The following GRID1 variants were observed in gnomAD, a reference collection of about 807,000 sequenced individuals.
GRID1 encodes glutamate ionotropic receptor delta type subunit 1, also known as glutamate receptor ionotropic, delta-1.
In GRID1, 28 loss-of-function variants were observed where a neutral mutation model predicts 98.0. The ratio of observed to expected loss-of-function variants is 0.29; its 90% CI spans 0.21 to 0.39. The LOEUF (loss-of-function observed/expected upper bound fraction) is 0.39. Ranked by LOEUF, GRID1 falls within the 10% of genes least tolerant of loss-of-function variation. The pLI is 1.00. For synonymous variants in GRID1, 553 were observed against 538.5 expected, an observed-to-expected ratio of 1.03 and a Z score of -0.37; for missense variants, 1,111 against 1,340.5, an observed-to-expected ratio of 0.83 and a Z score of 2.67.
In GRID1 at chr10:85,610,620, G is replaced by A. The variant is rs77715231; in HGVS notation, c.2601+2787C>T. On this transcript the variant is annotated intron_variant, in intron 15 of 15. Transcript: ENST00000327946. The stretch of plus-strand genomic sequence containing the variant: ...TGCCCTGGCTGGGCTGGATGTCCTC[G>A]GTGCTTTTGTGATACCTGCTGATCA... Among the ~76,000 whole-genome samples the A allele has an allele frequency of 9.4e-4, 143 of 152,272 alleles. No homozygotes were observed. In the East Asian group the frequency reaches 0.026, roughly 28 times the overall value.
At chr10:85,722,914 C>T (rs1414081569) in intron 12 of GRID1, 89 bp downstream of exon 12, 1 of 1,139,600 alleles carries the variant, frequency 8.8e-7, no homozygotes, top group East Asian at 2.8e-5. Context: ...AGGGCTCTCT[C>T]CATCATACCA....
At chr10:85,644,226 G>A (rs1843158962) in intron 13 of GRID1, 1 of 152,154 alleles carries the variant, frequency 6.6e-6, no homozygotes, top group Non-Finnish European at 1.5e-5. Context: ...TTTGCTTCAG[G>A]ATACCCATAC....
intron 8 of GRID1, among the ~76,000 whole-genome samples, chr10:85,746,257 A>G (rs1307418466): frequency 6.6e-6 from 1 of 152,154 alleles, no homozygotes; most frequent in Non-Finnish European, 1.5e-5. Flanking sequence ...AATGGCCTAA[A>G]TGGTACGAGT....
intron 4 of GRID1, among the ~76,000 whole-genome samples, chr10:85,990,854 A>C (rs1842671185): frequency 6.6e-6 from 1 of 151,764 alleles, no homozygotes; most frequent in African/African-American, 2.4e-5. Flanking sequence ...ATAGAATAAA[A>C]ATATAAAGAC....
At chr10:85,747,101 C>G (rs1412541175) in intron 8 of GRID1, among the ~76,000 whole-genome samples, 1 of 152,044 alleles carries the variant, frequency 6.6e-6, no homozygotes, top group Non-Finnish European at 1.5e-5. Context: ...TTTTTATCCT[C>G]AATTTTGCTG....
At position 85,693,563 on chromosome 10, in the gene GRID1, C is replaced by T. The variant is rs371519637; in HGVS notation, c.1997+29440G>A. On this transcript the variant is annotated intron_variant, in intron 12 of 15. Coordinates refer to ENST00000327946, the MANE Select transcript of GRID1 (RefSeq NM_017551.3). ...ACAAGGCTATAGTAAAAAAAAACAG[C>T]AGGGTACTGGTATAAAAATAAATAC... 3.3e-5 allele frequency among the ~76,000 whole-genome samples: 5 copies of T among 151,828 alleles called. No homozygotes were observed. In the East Asian group the frequency reaches 5.8e-4, roughly 18 times the overall value.
At chr10:86,133,046 C>T (rs1844862270) in intron 4 of GRID1, among the ~76,000 whole-genome samples, 1 of 152,254 alleles carries the variant, frequency 6.6e-6, no homozygotes, top group South Asian at 2.1e-4. Context: ...AAAGAGATCA[C>T]TGGTATCTAA....
intron 4 of GRID1, among the ~76,000 whole-genome samples, chr10:85,927,197 C>T (rs138368391): frequency 4.5e-4 from 68 of 152,352 alleles, no homozygotes; most frequent in African/African-American, 1.6e-3. Context: ...CAGGTCCTGG[C>T]ACACAAACTA....
intron 2 of GRID1, among the ~76,000 whole-genome samples, chr10:86,251,785 G>C (rs1286190985): frequency 6.6e-6 from 1 of 152,116 alleles, no homozygotes; most frequent in African/African-American, 2.4e-5. Context: ...CACCTGTATG[G>C]CCTGACATTC....
chr10:86,092,071 G>A (rs568063878), intron 4 of GRID1, among the ~76,000 whole-genome samples: 1 of 152,036 alleles, frequency 6.6e-6, no homozygotes, highest in Non-Finnish European at 1.5e-5. Context: ...GACAAAACAA[G>A]GCTCTTCAAC....
chr10:85,724,573 T>C lies in GRID1; in HGVS notation c.1637A>G (p.Lys546Arg). ...YMDYSVGILI[K>R]KPEEKISIFS... ...GATGCTGATTTTCTCCTCGGGCTTC[T>C]TAATTAGAATCCCCACTGAATAGTC... Residue 546 changes from lysine to arginine, a missense_variant, in exon 11 of 16, where the codon AAG (lysine) becomes AGG (arginine). Physicochemically the swap from Lys to Arg is conservative, Grantham distance 26 (BLOSUM62 2). Around this residue, in one of 3 missense-constraint regions of GRID1, gnomAD observed 762 missense variants for 869.1 expected, o/e 0.88. Transcript: ENST00000327946. 2 of 1,613,476 alleles carry C rather than the reference T, an allele frequency of 1.2e-6. No individual in the cohort carries two copies. Among genetic ancestry groups the C allele is most frequent in the Non-Finnish European group, 1.7e-6 (2 of 1,179,994 alleles).
At chr10:86,019,276 A>T (rs551072905) in intron 4 of GRID1, among the ~76,000 whole-genome samples, 9 of 152,172 alleles carry the variant, frequency 5.9e-5, no homozygotes, top group Non-Finnish European at 1.3e-4. Context: ...GTCCTCACAC[A>T]GCTGCCCCCT....
chr10:85,701,794 A>T (rs999623101), intron 12 of GRID1, among the ~76,000 whole-genome samples: 7 of 152,150 alleles, frequency 4.6e-5, no homozygotes, highest in African/African-American at 1.7e-4. Context: ...GGAAAAACAT[A>T]AGAATGATAC....
At chr10:86,291,078 T>G (rs1289500354) in intron 2 of GRID1, among the ~76,000 whole-genome samples, 1 of 152,202 alleles carries the variant, frequency 6.6e-6, no homozygotes. Context: ...CCTGGAAGTC[T>G]GCGCTGCTCT....
chr10:85,634,998 GAAAAAAAAAAAAAAAAA>G (rs140144576), intron 13 of GRID1, among the ~76,000 whole-genome samples: 324 of 35,014 alleles, frequency 9.3e-3, no homozygotes, highest in African/African-American at 0.014. Flanking sequence ...GAGGAAATCT[GAAAAAAAAAAAAAAAAA>G]AAAAAAAAAA....
intron 2 of GRID1, among the ~76,000 whole-genome samples, chr10:86,309,473 C>G (rs567891906): frequency 6.6e-6 from 1 of 152,310 alleles, no homozygotes; most frequent in African/African-American, 2.4e-5. Context: ...TGCCTGCATG[C>G]TCATGTGTCC....
rs1210144251 is a variant in GRID1, at chr10:86,363,907, G to A, written c.235+34C>T. The A allele has an allele frequency of 1.9e-6, 3 of 1,593,950 alleles. No homozygotes were observed. The African/African-American group carries it at 4.0e-5, about 21-fold the overall frequency. ...ACTGCTGCGACGCCTCGCAGGCCGT[G>A]TCCCAGTGGGCCCTGGGCACAGCGG... is the stretch of plus-strand genomic sequence containing the variant. On this transcript the variant is annotated intron_variant, in intron 2 of 15. Coordinates refer to ENST00000327946, the MANE Select transcript of GRID1 (RefSeq NM_017551.3).
intron 8 of GRID1, among the ~76,000 whole-genome samples, chr10:85,740,466 T>G (rs866106560): frequency 2.9e-4 from 44 of 152,274 alleles, no homozygotes; most frequent in African/African-American, 8.9e-4. Flanking sequence ...TGACAGTCAA[T>G]TCTATGAGTT....
intron 4 of GRID1, among the ~76,000 whole-genome samples, chr10:86,106,243 G>A (rs1038156854): frequency 2.6e-5 from 4 of 152,224 alleles, no homozygotes; most frequent in Non-Finnish European, 5.9e-5. Flanking sequence ...CAGTCACAAT[G>A]TCCAACAACA....
Sources: allele counts gnomAD v4.1 joint callset (sites outside exome capture counted in the v4.1 genomes callset), GRCh38; gene constraint gnomAD v4.1.1; regional missense constraint gnomAD v4.1.1; transcripts MANE v1.5; gene names NCBI Gene and HGNC (gene_info 2026-07-23, HGNC 2026-07-21).